Variants in GNG2 observed in about 807,000 individuals in gnomAD.
GNG2 encodes guanine nucleotide-binding protein G(I)/G(S)/G(O) subunit gamma-2.
A neutral mutation model predicts 5.5 loss-of-function variants in GNG2; 5 were observed. The observed-to-expected ratio is 0.91, with a 90% CI of 0.48 to 1.92. The LOEUF (loss-of-function observed/expected upper bound fraction) is 1.92, where lower values mean the gene tolerates loss of function less well. GNG2 is among the 30% of genes most tolerant of loss of function. GNG2 has a pLI of 0.01. For synonymous variants in GNG2, 28 were observed against 32.0 expected (o/e 0.88, Z 0.42); for missense variants, 55 against 88.4 (o/e 0.62, Z 1.52).
intron 2 of GNG2, among the ~76,000 whole-genome samples, chr14:51,837,170 TAA>T (rs781234212): frequency 5.9e-5 from 9 of 151,992 alleles, no homozygotes; most frequent in Non-Finnish European, 7.4e-5. Flanking sequence ...GATCTCAACT[TAA>T]CGTTGATGAA....
At chr14:51,860,192 G>A (rs1882367071), upstream of GNG2, among the ~76,000 whole-genome samples, 1 of 147,286 alleles carries the variant, frequency 6.8e-6, no homozygotes, top group Non-Finnish European at 1.5e-5. Flanking sequence ...GATCTCGGGG[G>A]CCAGAACCTG....
At chr14:51,832,402 A>G (rs960202479) in intron 2 of GNG2, among the ~76,000 whole-genome samples, 1 of 152,224 alleles carries the variant, frequency 6.6e-6, no homozygotes, top group South Asian at 2.1e-4. Flanking sequence ...TATGATTGCT[A>G]ATTAGATACA....
chr14:51,937,352 T>G (rs1446520296), intron 2 of GNG2, among the ~76,000 whole-genome samples: 1 of 152,138 alleles, frequency 6.6e-6, no homozygotes, highest in African/African-American at 2.4e-5. Context: ...AATCTTGCAG[T>G]GTAGATCATG....
Position 51,967,871 on chromosome 14 carries a change from A to G in GNG2, c.*1184A>G, listed in dbSNP as rs1156438118. 1 of 152,170 alleles carries G rather than the reference A, an allele frequency of 6.6e-6. No homozygotes were observed. Among genetic ancestry groups the G allele is most frequent in the Non-Finnish European group, 1.5e-5 (1 of 68,038 alleles). 9.4% of individuals were successfully genotyped at this position (152,170 alleles called of 1,614,324 possible). On this transcript the variant is annotated 3_prime_UTR_variant, in exon 4 of 4. Transcript: ENST00000556766. Reference sequence around the variant, plus strand: ...GGCCCTCCTTTGTTCAAGTATCAGAAGAAATAAACCCACAGCTCCAGAGAA... The same window carrying G: ...GGCCCTCCTTTGTTCAAGTATCAGAGGAAATAAACCCACAGCTCCAGAGAA...
intron 2 of GNG2, among the ~76,000 whole-genome samples, chr14:51,936,651 G>A (rs1045691194): frequency 3.3e-5 from 5 of 151,774 alleles, no homozygotes; most frequent in Non-Finnish European, 7.4e-5. Flanking sequence ...TCTGGCTCCA[G>A]CGATCCTTCT....
intron 2 of GNG2, among the ~76,000 whole-genome samples, chr14:51,893,302 G>A (rs1348974131): frequency 6.6e-6 from 1 of 152,074 alleles, no homozygotes; most frequent in Non-Finnish European, 1.5e-5. Context: ...GGTGAGGAAT[G>A]GTATTCTATT....
chr14:51,857,720 A>G (rs1464863893), upstream of GNG2, among the ~76,000 whole-genome samples: 1 of 152,184 alleles, frequency 6.6e-6, no homozygotes, highest in Non-Finnish European at 1.5e-5. Context: ...AAGGAAAGGA[A>G]GAGGAACTTT....
intron 1 of GNG2, among the ~76,000 whole-genome samples, chr14:51,875,019 A>G (rs1182107591): frequency 1.3e-5 from 2 of 152,222 alleles, no homozygotes; most frequent in Admixed American, 6.5e-5. Context: ...AATTTGAAAG[A>G]AAAAATAAAA....
intron 3 of GNG2, among the ~76,000 whole-genome samples, chr14:51,954,355 CTG>C (rs1443163236): frequency 6.6e-6 from 1 of 152,068 alleles, no homozygotes; most frequent in Non-Finnish European, 1.5e-5. Context: ...GGGCTGTGGA[CTG>C]TGACACCTGG....
chr14:51,830,823 T>C (rs371069749), intron 2 of GNG2, among the ~76,000 whole-genome samples: 1 of 152,226 alleles, frequency 6.6e-6, no homozygotes, highest in African/African-American at 2.4e-5. Flanking sequence ...AGTGCACCTT[T>C]TCTAACATGA....
At chr14:51,924,804 G>C (rs774581781) in intron 2 of GNG2, among the ~76,000 whole-genome samples, 2 of 152,202 alleles carry the variant, frequency 1.3e-5, no homozygotes, top group Non-Finnish European at 2.9e-5. Context: ...TTAGCATCTA[G>C]AAAACATCCT....
intron 2 of GNG2, among the ~76,000 whole-genome samples, chr14:51,835,361 C>T (rs1403500833): frequency 6.6e-6 from 1 of 152,212 alleles, no homozygotes; most frequent in Non-Finnish European, 1.5e-5. Context: ...GTAGGAGAAA[C>T]ATTACTATTT....
intron 2 of GNG2, among the ~76,000 whole-genome samples, chr14:51,844,120 T>C (rs187044589): frequency 8.7e-4 from 132 of 152,368 alleles, no homozygotes; most frequent in Admixed American, 5.7e-3. Flanking sequence ...ACCAGTTTGA[T>C]TGAAGACATT....
At chr14:51,865,552 T>C (rs1882820878) in intron 1 of GNG2, among the ~76,000 whole-genome samples, 2 of 152,136 alleles carry the variant, frequency 1.3e-5, no homozygotes, top group African/African-American at 4.8e-5. Context: ...TATATTGACC[T>C]CTTCATAAGG....
At chr14:51,939,837 T>A (rs1888212795) in intron 2 of GNG2, 1 of 152,166 alleles carries the variant, frequency 6.6e-6, no homozygotes. Context: ...AGACCCCAGA[T>A]TAGGATCAGT....
At chr14:51,885,553 A>G (rs1287579830) in intron 2 of GNG2, among the ~76,000 whole-genome samples, 1 of 152,008 alleles carries the variant, frequency 6.6e-6, no homozygotes, top group Non-Finnish European at 1.5e-5. Flanking sequence ...AGATTTATTC[A>G]GTGGGTTTCT....
At chr14:51,836,102 G>A (rs898086710) in intron 2 of GNG2, among the ~76,000 whole-genome samples, 1 of 151,562 alleles carries the variant, frequency 6.6e-6, no homozygotes, top group African/African-American at 2.4e-5. Context: ...GTTTGCGGAA[G>A]GCTGTCTTCT....
intron 2 of GNG2, among the ~76,000 whole-genome samples, chr14:51,830,928 C>G (rs1329542248): frequency 6.6e-6 from 1 of 152,216 alleles, no homozygotes; most frequent in African/African-American, 2.4e-5. Context: ...GCTGACAAGA[C>G]CTGACAGCAC....
chr14:51,919,633 G>A (rs751028757), intron 2 of GNG2, among the ~76,000 whole-genome samples: 5 of 152,188 alleles, frequency 3.3e-5, no homozygotes, highest in Admixed American at 6.5e-5. Flanking sequence ...TGGGTTCCTG[G>A]ACCCTGAATG....
Sources: allele counts gnomAD v4.1 joint callset (sites outside exome capture counted in the v4.1 genomes callset), GRCh38; gene constraint gnomAD v4.1.1; transcripts MANE v1.5; gene names NCBI Gene and HGNC (gene_info 2026-07-23, HGNC 2026-07-21).